The following PPP2R2B variants were observed in gnomAD, a reference collection of about 807,000 sequenced individuals.
The protein encoded by PPP2R2B is serine/threonine-protein phosphatase 2A 55 kDa regulatory subunit B beta isoform.
PPP2R2B carries 5 observed loss-of-function variants against 46.0 expected under a neutral mutation model. That is an observed-to-expected ratio of 0.11 (90% CI 0.06 to 0.23). The LOEUF (loss-of-function observed/expected upper bound fraction) is 0.23. Among genes scored for constraint, PPP2R2B ranks in the 10% least tolerant of loss-of-function variants. PPP2R2B has a pLI of 1.00. For missense variants in PPP2R2B, 367 were observed against 575.0 expected (o/e 0.64, Z 3.70); for synonymous variants, 215 against 206.7 (o/e 1.04, Z -0.34).
chr5:146,848,087 G>A (rs568481303), intron 2 of PPP2R2B, among the ~76,000 whole-genome samples: 26 of 152,094 alleles, frequency 1.7e-4, no homozygotes, highest in African/African-American at 5.5e-4. Context: ...CGTTACAGTC[G>A]CCTACCAACT....
intron 1 of PPP2R2B, among the ~76,000 whole-genome samples, chr5:146,975,209 T>C (rs1752845892): frequency 6.6e-6 from 1 of 152,212 alleles, no homozygotes; most frequent in South Asian, 2.1e-4. Context: ...TAGCTTTATT[T>C]CTAAGAGTGT....
At chr5:147,034,414 G>A (rs1223994249) in intron 1 of PPP2R2B, among the ~76,000 whole-genome samples, 1 of 151,996 alleles carries the variant, frequency 6.6e-6, no homozygotes, top group Non-Finnish European at 1.5e-5. Context: ...AAATAATAGT[G>A]ACCCATAATA....
intron 2 of PPP2R2B, among the ~76,000 whole-genome samples, chr5:146,735,440 G>A (rs1312954296): frequency 1.3e-5 from 2 of 151,964 alleles, no homozygotes; most frequent in Non-Finnish European, 2.9e-5. Context: ...ATGAGTCCAA[G>A]TTATTACATA....
In PPP2R2B at chr5:146,581,692, C is replaced by T. The variant is rs1769903822; in HGVS notation, c.*8255G>A. 1 of 152,192 alleles carries T rather than the reference C, an allele frequency of 6.6e-6. No individual in the cohort carries two copies. Among genetic ancestry groups the T allele is most frequent in the Non-Finnish European group, 1.5e-5 (1 of 68,036 alleles). 9.4% of individuals were successfully genotyped at this position (152,192 alleles called of 1,614,324 possible). A position where few individuals can be genotyped will look rare whatever the true frequency, so the allele number is the denominator to read the frequency against. On this transcript the variant is annotated 3_prime_UTR_variant, in exon 10 of 10. Coordinates refer to ENST00000394411, the MANE Select transcript of PPP2R2B (RefSeq NM_181675.4). ...TGAAAGGCCATTCCGCAGTGTATTT[C>T]AGATCAGTTCTGTATTGTGGCTTGT... is the stretch of plus-strand genomic sequence containing the variant.
At chr5:146,724,575 A>T (rs1751731896) in intron 2 of PPP2R2B, among the ~76,000 whole-genome samples, 1 of 152,194 alleles carries the variant, frequency 6.6e-6, no homozygotes, top group Admixed American at 6.5e-5. Flanking sequence ...GTAAAAATGT[A>T]GAAAGCAAGG....
intron 1 of PPP2R2B, among the ~76,000 whole-genome samples, chr5:146,907,656 C>G (rs969907551): frequency 3.9e-5 from 6 of 152,350 alleles, no homozygotes; most frequent in Admixed American, 3.3e-4. Context: ...GGAGAAACCC[C>G]CTTTTCCATT....
chr5:146,705,318 A>C (rs956261261), intron 2 of PPP2R2B, among the ~76,000 whole-genome samples: 2 of 152,206 alleles, frequency 1.3e-5, no homozygotes, highest in African/African-American at 2.4e-5. Context: ...CAGCTAAGAT[A>C]AGAACAGAAA....
In PPP2R2B at chr5:146,592,979, C is replaced by G. The variant is rs1770808485; in HGVS notation, c.1044G>C (p.Gly348=). 6.2e-7 allele frequency: 1 copy of G among 1,611,422 alleles called. No individual in the cohort carries two copies. The highest frequency in any genetic ancestry group is 1.3e-5 in the African/African-American group (1 of 74,968). ...IFDKFECVWN[G]SDSVIMTGSY... is the part of the protein sequence containing the mutation. ...CACAGAGCCTTTCTTACCTGTCTGA[C>G]CCATTCCACACACACTCAAATTTAT... The change falls in exon 9 of 10, where the codon GGG becomes GGC. Residue 348 remains glycine, a synonymous_variant. Coordinates refer to ENST00000394411, the MANE Select transcript of PPP2R2B (RefSeq NM_181675.4).
intron 2 of PPP2R2B, 109 bp from the exon 3 acceptor site, chr5:146,701,251 C>T: frequency 1.0e-6 from 1 of 1,002,568 alleles, no homozygotes; most frequent in Non-Finnish European, 1.6e-6. Flanking sequence ...TTTGTCTCTG[C>T]AGTGGAATTT....
chr5:147,023,951 C>G (rs1325080721), intron 1 of PPP2R2B, among the ~76,000 whole-genome samples: 1 of 152,220 alleles, frequency 6.6e-6, no homozygotes. Flanking sequence ...AGAATTTACA[C>G]CAATGCCCCA....
intron 7 of PPP2R2B, among the ~76,000 whole-genome samples, chr5:146,621,781 G>T (rs78112063): frequency 6.6e-6 from 1 of 152,180 alleles, no homozygotes; most frequent in Non-Finnish European, 1.5e-5. Context: ...GCAGAGAGAA[G>T]AAACATTTTA....
At chr5:146,951,874 C>A (rs1187268469) in intron 1 of PPP2R2B, among the ~76,000 whole-genome samples, 3 of 151,688 alleles carry the variant, frequency 2.0e-5, no homozygotes, top group Admixed American at 2.0e-4. Flanking sequence ...GGGTATATAC[C>A]CAGTAATGGG....
intron 2 of PPP2R2B, among the ~76,000 whole-genome samples, chr5:146,858,571 TACAC>T (rs1438362684): frequency 1.3e-5 from 2 of 152,140 alleles, no homozygotes; most frequent in South Asian, 2.1e-4. Context: ...GCAAAAAAAA[TACAC>T]ACAGTACTCA....
Position 146,878,247 on chromosome 5 carries a change from G to T in PPP2R2B, c.-124-52C>A. 6.6e-7 allele frequency: 1 copy of T among 1,514,512 alleles called. No individual in the cohort carries two copies. The allele number at this position is 1,514,512 out of a possible 1,614,324, so 93.8% of individuals were successfully genotyped here. A position where few individuals can be genotyped will look rare whatever the true frequency, so the allele number is the denominator to read the frequency against. On this transcript the variant is annotated intron_variant, in intron 1 of 9. Coordinates refer to ENST00000394411, the MANE Select transcript of PPP2R2B (RefSeq NM_181675.4). This position sits in a 1 kb window ranked among gnomAD's most constrained non-coding sequence, Gnocchi z 4.5. ...GAAAAAAAATAAAAACCCGGCAATG[G>T]AGCTGTCACCTCCTCCACTCGGGTT...
intron 2 of PPP2R2B, among the ~76,000 whole-genome samples, chr5:146,742,759 C>A (rs1009960227): frequency 1.3e-5 from 2 of 152,014 alleles, no homozygotes; most frequent in Admixed American, 1.3e-4. Context: ...GAAGTAGTTG[C>A]GATGAGGTCA....
intron 1 of PPP2R2B, among the ~76,000 whole-genome samples, chr5:147,001,969 C>A (rs1049818273): frequency 6.6e-5 from 10 of 152,122 alleles, no homozygotes; most frequent in Non-Finnish European, 8.8e-5. Flanking sequence ...GTTGACCCTG[C>A]GGCCATGAGC....
intron 1 of PPP2R2B, among the ~76,000 whole-genome samples, chr5:146,934,358 T>C (rs1163971813): frequency 5.3e-5 from 8 of 151,548 alleles, no homozygotes; most frequent in Non-Finnish European, 1.0e-4. Context: ...TTCCTGACTT[T>C]TTAATGATTG....
intron 1 of PPP2R2B, among the ~76,000 whole-genome samples, chr5:146,898,154 C>T (rs867492145): frequency 2.6e-5 from 4 of 152,152 alleles, no homozygotes; most frequent in African/African-American, 9.7e-5. Context: ...CACTGCATTC[C>T]AGCCTGGGCG....
rs180673323 is a variant in PPP2R2B at position 146,861,347 on chromosome 5, C to T, written c.70+16655G>A. 6.3e-3 allele frequency among the ~76,000 whole-genome samples: 958 copies of T among 152,156 alleles called. 6 individuals carry two copies. The highest frequency in any genetic ancestry group is 0.011 in the Non-Finnish European group (729 of 68,018). Reference sequence around the variant, plus strand: ...CTGGGATTACAGGTGTGAGCCACCGCGCCCAGCCTAATTTCCTATATTTTT... The same window carrying T: ...CTGGGATTACAGGTGTGAGCCACCGTGCCCAGCCTAATTTCCTATATTTTT... On this transcript the variant is annotated intron_variant, in intron 2 of 9. Transcript: ENST00000394411.
Sources: allele counts gnomAD v4.1 joint callset (sites outside exome capture counted in the v4.1 genomes callset), GRCh38; gene constraint gnomAD v4.1.1; non-coding constraint Gnocchi (gnomAD v3.1); transcripts MANE v1.5; gene names NCBI Gene and HGNC (gene_info 2026-07-23, HGNC 2026-07-21).